The following DNAH14 variants were observed in gnomAD, a reference collection of about 807,000 sequenced individuals.
The protein encoded by DNAH14 is dynein axonemal heavy chain 14, also known as axonemal beta dynein heavy chain 14.
A neutral mutation model predicts 520.9 loss-of-function variants in DNAH14; 478 were observed. That is an observed-to-expected ratio of 0.92 (90% CI 0.85 to 0.99). DNAH14 has a LOEUF of 0.99. Ranked by LOEUF, DNAH14 falls within the 50% of genes least tolerant of loss-of-function variation. The pLI, the probability that DNAH14 is intolerant of heterozygous loss-of-function variation, is 0.00. For missense variants in DNAH14, 4,831 were observed against 5,234.5 expected, an observed-to-expected ratio of 0.92 and a Z score of 2.38; for synonymous variants, 1,581 against 1,757.2, an observed-to-expected ratio of 0.90 and a Z score of 2.51.
Position 225,364,846 on chromosome 1 carries a change from A to G in DNAH14, c.12042A>G (p.Ser4014=). The G allele has an allele frequency of 1.3e-6, 2 of 1,549,114 alleles. No individual in the cohort carries two copies. The highest frequency in any genetic ancestry group is 1.7e-6 in the Non-Finnish European group (2 of 1,146,094). ...CTGAGTTTCGGCTATGGTTAAGCTC[A>G]AAATCATACAGTTCTTTTCCAATTC... ...IDPEFRLWLS[S]KSYSSFPIPV... The change falls in exon 76 of 86, where the codon TCA becomes TCG. Residue 4014 remains serine (S), a synonymous_variant. Coordinates refer to ENST00000682510, the MANE Select transcript of DNAH14 (RefSeq NM_001367479.1).
chr1:224,943,931 T>G (rs565207464), intron 1 of DNAH14, among the ~76,000 whole-genome samples: 6,099 of 152,092 alleles, frequency 0.04, 167 homozygotes, highest in Non-Finnish European at 0.06. Flanking sequence ...GGTCAATTTT[T>G]GAATAAGTGC....
At chr1:225,286,117 T>C (rs565614663) in intron 54 of DNAH14, among the ~76,000 whole-genome samples, 2 of 151,766 alleles carry the variant, frequency 1.3e-5, no homozygotes, top group East Asian at 1.9e-4. Context: ...CTCACAGAAG[T>C]AGAGAGTAGA....
chr1:225,281,468 C>A, intron 54 of DNAH14, among the ~76,000 whole-genome samples: 1 of 152,136 alleles, frequency 6.6e-6, no homozygotes, highest in South Asian at 2.1e-4. Context: ...TAATCTTAAT[C>A]ATGTCTGCAA....
chr1:225,304,764 T>A, intron 57 of DNAH14, 144 bp from the exon 58 acceptor site: 2 of 756,814 alleles, frequency 2.6e-6, no homozygotes, highest in Non-Finnish European at 4.0e-6. Flanking sequence ...ATATTTTCTT[T>A]GTCCTGCTCA....
At chr1:225,137,716 C>T (rs2079078671) in intron 27 of DNAH14, among the ~76,000 whole-genome samples, 1 of 152,106 alleles carries the variant, frequency 6.6e-6, no homozygotes, top group South Asian at 2.1e-4. Context: ...CTAGGGCCCC[C>T]CAGTGGAAGA....
At position 225,040,150 on chromosome 1, in the gene DNAH14, A is replaced by G. The variant is rs1572640622; in HGVS notation, c.1488+1327A>G. Among the ~76,000 whole-genome samples, 3 of 152,026 alleles carry G rather than the reference A, an allele frequency of 2.0e-5. No homozygotes were observed. In the East Asian group the frequency reaches 5.9e-4, roughly 30 times the overall value. The stretch of plus-strand genomic sequence containing the variant: ...GAGACGGGGTTTCACCGTGTTAGCC[A>G]GGATGGTCTTGATCTCCTGACCTCG... On this transcript the variant is annotated intron_variant, in intron 12 of 85. Transcript: ENST00000682510.
intron 27 of DNAH14, among the ~76,000 whole-genome samples, chr1:225,139,797 G>A (rs921204769): frequency 6.6e-6 from 1 of 152,170 alleles, no homozygotes; most frequent in Non-Finnish European, 1.5e-5. Flanking sequence ...AAGGGCAGCA[G>A]TACTGGCATC....
Position 225,289,964 on chromosome 1 carries a change from C to T in DNAH14, c.8351C>T (p.Pro2784Leu), listed in dbSNP as rs951057973. Residue 2784 changes from proline to leucine, a missense_variant, in exon 55 of 86, where the codon CCT becomes CTT. Physicochemically the swap from Pro to Leu is moderately conservative, Grantham distance 98. Transcript: ENST00000682510. Reference protein sequence around the residue: ...YLTDNKLYRVPISHKCAYIEF... With the variant: ...YLTDNKLYRVLISHKCAYIEF... The stretch of plus-strand genomic sequence containing the variant: ...ACAGATAATAAACTATACCGAGTGC[C>T]TATATCTCACAAATGTGCCTACATC... The T allele has an allele frequency of 2.6e-6, 4 of 1,542,120 alleles. No homozygotes were observed. The highest frequency in any genetic ancestry group is 3.5e-6 in the Non-Finnish European group (4 of 1,142,072).
chr1:225,180,630 A>G (rs1164489920), intron 36 of DNAH14, among the ~76,000 whole-genome samples: 1 of 152,122 alleles, frequency 6.6e-6, no homozygotes. Flanking sequence ...GCATTAATCT[A>G]TTCATGAAGG....
intron 13 of DNAH14, among the ~76,000 whole-genome samples, 162 bp downstream of exon 13, chr1:225,043,276 G>GGA (rs373672094): frequency 1.0e-5 from 1 of 98,164 alleles, no homozygotes; most frequent in Non-Finnish European, 1.9e-5. Context: ...GTCTCTTGGG[G>GGA]AAAAAAAAAA....
chr1:225,283,289 C>T (rs2093664766), intron 54 of DNAH14, among the ~76,000 whole-genome samples: 1 of 151,856 alleles, frequency 6.6e-6, no homozygotes, highest in Non-Finnish European at 1.5e-5. Flanking sequence ...ACAAAAGCCA[C>T]ACGTTAGATT....
rs746611092 is a variant in DNAH14, at chr1:225,333,261, A to G, written c.9865-30A>G. On this transcript the variant is annotated intron_variant, in intron 65 of 85. Coordinates refer to ENST00000682510, the MANE Select transcript of DNAH14 (RefSeq NM_001367479.1). ...TATCTCATGATAATATATTTTATAT[A>G]GAATAACTCATTTCTATTTTAACAT... 4.7e-6 allele frequency: 7 copies of G among 1,476,848 alleles called. No individual in the cohort carries two copies. The South Asian group carries it at 6.4e-5, about 14-fold the overall frequency. The allele number at this position is 1,476,848 out of a possible 1,614,324, so 91.5% of individuals were successfully genotyped here.
At chr1:225,342,005 A>G (rs1305157577) in intron 69 of DNAH14, among the ~76,000 whole-genome samples, 2 of 152,152 alleles carry the variant, frequency 1.3e-5, no homozygotes, top group East Asian at 3.9e-4. Context: ...CCACAGACTT[A>G]CTGAATCTGA....
intron 36 of DNAH14, among the ~76,000 whole-genome samples, chr1:225,180,376 A>G (rs1282449116): frequency 6.6e-6 from 1 of 152,168 alleles, no homozygotes; most frequent in Non-Finnish European, 1.5e-5. Flanking sequence ...TCTGAGGCTG[A>G]GTAAATTATA....
intron 54 of DNAH14, among the ~76,000 whole-genome samples, chr1:225,284,340 T>TA (rs1381614133): frequency 1.3e-5 from 2 of 151,784 alleles, no homozygotes; most frequent in Non-Finnish European, 1.5e-5. Flanking sequence ...TTACAGAAAT[T>TA]AAAAAAAGAT....
At chr1:225,381,945 A>T (rs1228793671) in intron 81 of DNAH14, among the ~76,000 whole-genome samples, 1 of 152,248 alleles carries the variant, frequency 6.6e-6, no homozygotes, top group Non-Finnish European at 1.5e-5. Flanking sequence ...TAAACAGAAG[A>T]CCAAATTGTA....
chr1:224,997,503 C>T (rs922837829), intron 8 of DNAH14, among the ~76,000 whole-genome samples: 1 of 152,040 alleles, frequency 6.6e-6, no homozygotes, highest in African/African-American at 2.4e-5. Context: ...GCAGCTTTCT[C>T]AGGCCTTTCC....
intron 36 of DNAH14, among the ~76,000 whole-genome samples, chr1:225,175,135 C>T: frequency 6.6e-6 from 1 of 152,006 alleles, no homozygotes; most frequent in Admixed American, 6.6e-5. Context: ...TCAGTGGTTT[C>T]CTTTTTTGTT....
intron 54 of DNAH14, among the ~76,000 whole-genome samples, chr1:225,286,521 C>T (rs1231777245): frequency 2.0e-5 from 3 of 152,058 alleles, no homozygotes; most frequent in East Asian, 3.9e-4. Context: ...GAAACAATAA[C>T]GAGATACCAC....
Sources: gnomAD v4.1 joint callset for allele counts (sites outside exome capture counted in the v4.1 genomes callset) on GRCh38, gnomAD v4.1.1 for gene constraint, MANE v1.5 for transcripts, NCBI Gene and HGNC (gene_info 2026-07-23, HGNC 2026-07-21) for gene names.